The following FOXP1 variants were observed in gnomAD, a reference collection of about 807,000 sequenced individuals.
FOXP1 encodes forkhead box protein P1.
In FOXP1, 15 loss-of-function variants were observed where a neutral mutation model predicts 98.2. The observed-to-expected ratio is 0.15, with a 90% CI of 0.10 to 0.24. FOXP1 has a LOEUF of 0.24. FOXP1 is among the 10% of genes least tolerant of loss of function. The pLI is 1.00. For missense variants in FOXP1, 633 were observed against 848.5 expected (o/e 0.75, Z 3.15); for synonymous variants, 371 against 314.5 (o/e 1.18, Z -1.90).
intron 5 of FOXP1, among the ~76,000 whole-genome samples, chr3:71,294,760 C>A (rs2073116058): frequency 6.6e-6 from 1 of 152,304 alleles, no homozygotes; most frequent in South Asian, 2.1e-4. Flanking sequence ...TTCCCAGCAG[C>A]CCTCAAAGTT....
intron 3 of FOXP1, among the ~76,000 whole-genome samples, chr3:71,490,795 T>A (rs2091007855): frequency 6.6e-6 from 1 of 152,176 alleles, no homozygotes; most frequent in Non-Finnish European, 1.5e-5. Flanking sequence ...AATCCATTCA[T>A]GTGGTTTTGT....
chr3:71,281,853 C>A (rs1163661165), intron 5 of FOXP1, among the ~76,000 whole-genome samples: 2 of 151,742 alleles, frequency 1.3e-5, no homozygotes, highest in Non-Finnish European at 2.9e-5. Flanking sequence ...GTAATCTCAA[C>A]ACTTTGGGAG....
At chr3:70,966,087 A>C in intron 19 of FOXP1, 31 bp from the exon 20 acceptor site, 1 of 1,596,586 alleles carries the variant, frequency 6.3e-7, no homozygotes, top group Non-Finnish European at 8.6e-7. Context: ...ATTTATGAAG[A>C]CACAGGGTAT....
chr3:71,273,514 G>A (rs1329801292), intron 5 of FOXP1, among the ~76,000 whole-genome samples: 1 of 152,158 alleles, frequency 6.6e-6, no homozygotes, highest in Non-Finnish European at 1.5e-5. Flanking sequence ...CACAAAAGTT[G>A]GCTGGTATTT....
intron 11 of FOXP1, among the ~76,000 whole-genome samples, chr3:71,024,913 G>A (rs185530382): frequency 3.4e-4 from 52 of 152,272 alleles, no homozygotes; most frequent in African/African-American, 1.3e-3. Context: ...GGAGAAATAA[G>A]AGAGTTATTT....
At chr3:71,047,961 T>C (rs764960406) in intron 9 of FOXP1, among the ~76,000 whole-genome samples, 3 of 152,198 alleles carry the variant, frequency 2.0e-5, no homozygotes, top group Non-Finnish European at 4.4e-5. Context: ...AAAAAATTAA[T>C]GTAGATTTCC....
At chr3:71,319,153 AAC>A (rs1364236461) in intron 4 of FOXP1, among the ~76,000 whole-genome samples, 2 of 152,156 alleles carry the variant, frequency 1.3e-5, no homozygotes, top group Non-Finnish European at 2.9e-5. Context: ...ATCTTTGTCA[AAC>A]ACACACATTT....
intron 2 of FOXP1, among the ~76,000 whole-genome samples, chr3:71,521,718 T>C (rs777238774): frequency 6.6e-6 from 1 of 152,220 alleles, no homozygotes; most frequent in Non-Finnish European, 1.5e-5. Context: ...CATTTGTTAA[T>C]TTGAGTTTTC....
At chr3:71,498,097 T>C (rs2091539255) in intron 2 of FOXP1, among the ~76,000 whole-genome samples, 3 of 152,284 alleles carry the variant, frequency 2.0e-5, no homozygotes, top group Middle Eastern at 6.8e-3. Flanking sequence ...GTCCTGTGGC[T>C]ACTCCAAATG....
Position 71,262,264 on chromosome 3 carries a change from C to CAAAAAAAAAAAAAAAAAAAAAAAAAAAAA in FOXP1, c.-12+37527_-12+37555dup, listed in dbSNP as rs71104433. Among the ~76,000 whole-genome samples the CAAAAAAAAAAAAAAAAAAAAAAAAAAAAA allele has an allele frequency of 7.8e-5, 2 of 25,714 alleles. 1 individual carries two copies. Among genetic ancestry groups the CAAAAAAAAAAAAAAAAAAAAAAAAAAAAA allele is most frequent in the Admixed American group, 1.5e-3 (2 of 1,340 alleles). The allele number at this position is 25,714 out of a possible 152,430, so 16.9% of individuals were successfully genotyped here. ...CTGGCAACAGGACAAGACTCTGTCACAAAAAAAAAAAAAAAAAAAAAAAAA... is the reference window on the plus strand; with the variant it reads ...CTGGCAACAGGACAAGACTCTGTCACAAAAAAAAAAAAAAAAAAAAAAAAAAAAAAAAAAAAAAAAAAAAAAAAAAAAAA... On this transcript the variant is annotated intron_variant, in intron 5 of 20. Transcript: ENST00000649528.
chr3:71,161,608 T>C (rs2061140128), intron 6 of FOXP1, among the ~76,000 whole-genome samples: 1 of 152,192 alleles, frequency 6.6e-6, no homozygotes, highest in Non-Finnish European at 1.5e-5. Context: ...AAGAAAGGAA[T>C]GGAAAAGAAT....
At chr3:71,429,999 T>C (rs1399123667) in intron 3 of FOXP1, among the ~76,000 whole-genome samples, 1 of 152,206 alleles carries the variant, frequency 6.6e-6, no homozygotes, top group Non-Finnish European at 1.5e-5. Context: ...CTAGAAAAAC[T>C]GGCAACTTTC....
chr3:71,388,875 G>A lies in FOXP1; in HGVS notation c.-167-29631C>T, dbSNP rs1010743793. On this transcript the variant is annotated intron_variant, in intron 3 of 20. Transcript: ENST00000649528. The stretch of plus-strand genomic sequence containing the variant: ...CTAATGTTCTGACCCTAAATCTAAC[G>A]TGTAGAGCGAATGGTCTTTATAGTA... Among the ~76,000 whole-genome samples, 151 of 152,176 alleles carry A rather than the reference G, an allele frequency of 9.9e-4. 1 individual carries two copies. Among genetic ancestry groups the A allele is most frequent in the Admixed American group, 9.5e-3 (145 of 15,296 alleles).
At chr3:70,992,933 C>A (rs1264975815) in intron 13 of FOXP1, among the ~76,000 whole-genome samples, 2 of 152,132 alleles carry the variant, frequency 1.3e-5, no homozygotes, top group Non-Finnish European at 2.9e-5. Context: ...CCGACGTGCT[C>A]AGGGCTTGTG....
chr3:71,430,633 G>T (rs1457038665), intron 3 of FOXP1, among the ~76,000 whole-genome samples: 1 of 152,072 alleles, frequency 6.6e-6, no homozygotes, highest in Non-Finnish European at 1.5e-5. Context: ...AAACAACATT[G>T]AATTTTAAAT....
intron 12 of FOXP1, among the ~76,000 whole-genome samples, chr3:71,002,525 G>C (rs2042247135): frequency 6.6e-6 from 1 of 152,174 alleles, no homozygotes; most frequent in Non-Finnish European, 1.5e-5. Context: ...TCACTCACCT[G>C]GGGTGAATAA....
At chr3:71,198,468 C>T in intron 5 of FOXP1, 76 bp from the exon 6 acceptor site, 4 of 1,317,124 alleles carry the variant, frequency 3.0e-6, no homozygotes, top group Non-Finnish European at 4.3e-6. Context: ...AGTTGTTGTG[C>T]ATAAGGAGAA....
rs139012054 is a variant in FOXP1, at chr3:71,284,093, T to C, written c.-12+15727A>G. On this transcript the variant is annotated intron_variant, in intron 5 of 20. Transcript: ENST00000649528. ...TAAGATAAACCTTTTTCTCCTATGA[T>C]TAAACAAAAAAATGTTGAAACTCTT... is the stretch of plus-strand genomic sequence containing the variant. Among the ~76,000 whole-genome samples, 20 of 152,236 alleles carry C rather than the reference T, an allele frequency of 1.3e-4. 1 individual carries two copies. The highest frequency in any genetic ancestry group is 4.8e-4 in the African/African-American group (20 of 41,540).
chr3:71,487,300 T>C (rs1369800606), intron 3 of FOXP1, among the ~76,000 whole-genome samples: 1 of 151,980 alleles, frequency 6.6e-6, no homozygotes, highest in Non-Finnish European at 1.5e-5. Context: ...CCTCAAGCAA[T>C]CCTCCCACCT....
Sources: allele counts gnomAD v4.1 joint callset (sites outside exome capture counted in the v4.1 genomes callset), GRCh38; gene constraint gnomAD v4.1.1; transcripts MANE v1.5; gene names NCBI Gene and HGNC (gene_info 2026-07-23, HGNC 2026-07-21).